SPOCD1: variants seen among roughly 807,000 people sequenced by gnomAD.
The protein encoded by SPOCD1 is SPOC domain containing 1.
In SPOCD1, 64 loss-of-function variants were observed where a neutral mutation model predicts 92.2. That is an observed-to-expected ratio of 0.69 (90% CI 0.57 to 0.86). The LOEUF (loss-of-function observed/expected upper bound fraction) is 0.86, where lower values mean the gene tolerates loss of function less well. Ranked by LOEUF, SPOCD1 falls within the 40% of genes least tolerant of loss-of-function variation. The pLI is 0.00. For synonymous variants in SPOCD1, 578 were observed against 619.3 expected (o/e 0.93, Z 0.99); for missense variants, 1,360 against 1,543.1 (o/e 0.88, Z 1.99).
At chr1:31,808,742 A>G (rs1649005915) in intron 2 of SPOCD1, among the ~76,000 whole-genome samples, 1 of 152,210 alleles carries the variant, frequency 6.6e-6, no homozygotes, top group African/African-American at 2.4e-5. Flanking sequence ...CTGGAAAGGA[A>G]ATAACAAAAA....
Position 31,814,676 on chromosome 1 carries a change from C to T in SPOCD1, c.658G>A (p.Glu220Lys), listed in dbSNP as rs561311491. The T allele has an allele frequency of 3.2e-6, 5 of 1,566,458 alleles. No individual in the cohort carries two copies. The highest frequency in any genetic ancestry group is 1.9e-5 in the Admixed American group (1 of 52,666). Residue 220 changes from glutamate to lysine, a missense_variant, in exon 2 of 16, where the codon GAA becomes AAA. This residue lies in a region of SPOCD1 where 606 missense variants were observed against 601.5 expected (regional missense o/e 1.01). Transcript: ENST00000360482. The surrounding 1 kb of genome is among the most constrained non-coding windows in gnomAD (Gnocchi z 4.2). ...AGCCACAGGAAGTCACCAGCCCCTT[C>T]CTCACACTCTGAATGAGCCCCTTGC... is the stretch of plus-strand genomic sequence containing the variant. ...RRQGAHSECE[E>K]GAGDFLWLDQ...
At chr1:31,797,838 G>A (rs1648132044) in intron 9 of SPOCD1, among the ~76,000 whole-genome samples, 1 of 152,174 alleles carries the variant, frequency 6.6e-6, no homozygotes, top group African/African-American at 2.4e-5. Flanking sequence ...GTACCAGGAA[G>A]ACCTCCAGGC....
At chr1:31,794,539 CAG>C (rs1344819516) in intron 10 of SPOCD1, 6 of 186,276 alleles carry the variant, frequency 3.2e-5, no homozygotes, top group Non-Finnish European at 6.2e-5. Context: ...TTTTTTGAGA[CAG>C]AGTCTTGCTC....
At chr1:31,796,386 C>T (rs1648021598) in intron 10 of SPOCD1, 1 of 767,388 alleles carries the variant, frequency 1.3e-6, no homozygotes, top group East Asian at 2.7e-5. Flanking sequence ...CCGACAGTGA[C>T]AAGGCGCTGG....
In SPOCD1 at chr1:31,793,813, T is replaced by G. The variant is rs538112101; in HGVS notation, c.2468A>C (p.Gln823Pro). 1 of 1,614,250 alleles carries G rather than the reference T, an allele frequency of 6.2e-7. No individual in the cohort carries two copies. The highest frequency in any genetic ancestry group is 2.2e-5 in the East Asian group (1 of 44,890). ...CATCTCTGGAGCAGGCATAGGAGTTTGGCTTAGGGCTTTCTGGAAGATATT... is the reference window on the plus strand; with the variant it reads ...CATCTCTGGAGCAGGCATAGGAGTTGGGCTTAGGGCTTTCTGGAAGATATT... ...GDNIFQKALS[Q>P]TPMPAPEMPK... Residue 823 changes from glutamine (Q) to proline (P), a missense_variant, in exon 12 of 16, where the codon CAA (glutamine) becomes CCA (proline). This residue lies in a region of SPOCD1 where 614 missense variants were observed against 757.8 expected (regional missense o/e 0.81). Transcript: ENST00000360482.
At chr1:31,800,721 A>C in intron 3 of SPOCD1, 104 bp from the exon 4 acceptor site, 1 of 1,030,504 alleles carries the variant, frequency 9.7e-7, no homozygotes, top group Admixed American at 2.7e-5. Flanking sequence ...CTCCCACTGG[A>C]GTGTAAGCTC....
At position 31,796,601 on chromosome 1, in the gene SPOCD1, C is replaced by T. The variant is rs1453628830; in HGVS notation, c.2260G>A (p.Glu754Lys). 5 of 1,614,266 alleles carry T rather than the reference C, an allele frequency of 3.1e-6. No individual in the cohort carries two copies. The highest frequency in any genetic ancestry group is 4.2e-6 in the Non-Finnish European group (5 of 1,180,054). The change falls in exon 10 of 16, where the codon GAG (glutamate) becomes AAG (lysine). Residue 754 changes from glutamate (E) to lysine (K), a missense_variant. By Grantham distance (56) the Glu-to-Lys change is moderately conservative. Around this residue, in one of 3 missense-constraint regions of SPOCD1, gnomAD observed 614 missense variants for 757.8 expected, o/e 0.81. Transcript: ENST00000360482. ...GGCTCCAACTTAACCACCAGATCCT[C>T]CAGGGTCAGTGTCTGGTCCATGTCC... ...QRDMDQTLTL[E>K]DLVGPQMFMD...
At chr1:31,800,690 C>G in intron 3 of SPOCD1, 73 bp from the exon 4 acceptor site, 2 of 1,328,590 alleles carry the variant, frequency 1.5e-6, no homozygotes, top group South Asian at 2.8e-5. Context: ...CTCGCCTCAT[C>G]TGTAATTGTT....
chr1:31,814,015 C>G lies in SPOCD1; in HGVS notation c.1319G>C (p.Arg440Thr), dbSNP rs768055175. 2.5e-6 allele frequency: 4 copies of G among 1,607,094 alleles called. No homozygotes were observed. The highest frequency in any genetic ancestry group is 3.4e-6 in the Non-Finnish European group (4 of 1,175,850). The change falls in exon 2 of 16, where the codon AGA (arginine) becomes ACA (threonine). Residue 440 changes from arginine to threonine, a missense_variant. Coordinates refer to ENST00000360482, the MANE Select transcript of SPOCD1 (RefSeq NM_144569.7). This position sits in a 1 kb window ranked among gnomAD's most constrained non-coding sequence, Gnocchi z 4.2. The part of the protein sequence containing the change: ...VPCAQDRGTD[R>T]SSDNSHQDRP... ...GTCCTGGTGGGAGTTGTCTGAGCTTCTGTCTGTGCCCCGGTCTTGGGCACA... is the reference window on the plus strand; with the variant it reads ...GTCCTGGTGGGAGTTGTCTGAGCTTGTGTCTGTGCCCCGGTCTTGGGCACA...
At chr1:31,815,467 T>A in intron 1 of SPOCD1, 95 bp from the exon 2 acceptor site, 1 of 892,952 alleles carries the variant, frequency 1.1e-6, no homozygotes, top group Non-Finnish European at 1.6e-6. Flanking sequence ...TCCAGCCAGC[T>A]CTCCCAGACC....
In SPOCD1 at chr1:31,791,064, G is replaced by T. The variant is rs1165208225; in HGVS notation, c.3190C>A (p.Pro1064Thr). 1 of 1,613,026 alleles carries T rather than the reference G, an allele frequency of 6.2e-7. No individual in the cohort carries two copies. Among genetic ancestry groups the T allele is most frequent in the South Asian group, 1.1e-5 (1 of 90,996 alleles). Residue 1064 changes from proline (P) to threonine (T), a missense_variant, in exon 16 of 16, where the codon CCC (proline) becomes ACC (threonine). Pro to Thr is a conservative substitution (Grantham distance 38, BLOSUM62 -1). Coordinates refer to ENST00000360482, the MANE Select transcript of SPOCD1 (RefSeq NM_144569.7). ...CTCTGCTGCCAGGCACCTCCTGGGG[G>T]AGGGGTGCCCTTCAGGGGCACATTC... ...RPNVPLKGTP[P>T]PGGAWQQSQG... is the part of the protein sequence containing the mutation.
At chr1:31,805,093 T>C (rs887052380) in intron 2 of SPOCD1, among the ~76,000 whole-genome samples, 5 of 150,592 alleles carry the variant, frequency 3.3e-5, no homozygotes, top group African/African-American at 9.8e-5. Context: ...GCGATTCTCC[T>C]GCCTAGGCTT....
chr1:31,796,113 C>G (rs1647995129), intron 10 of SPOCD1: 1 of 253,406 alleles, frequency 3.9e-6, no homozygotes, highest in South Asian at 4.5e-5. Context: ...GTTGGCTTCC[C>G]AGGTCTGAGG....
chr1:31,791,289 G>A lies in SPOCD1; in HGVS notation c.2965C>T (p.Leu989Phe). The change falls in exon 16 of 16, where the codon CTT (leucine) becomes TTT (phenylalanine). Residue 989 changes from leucine (L) to phenylalanine (F), a missense_variant and splice_region_variant. Transcript: ENST00000360482. ...AGAGGGGAGACAGGAAGAGCCCAAAGGCCTGCGGGGAAGAACTGTGTTCAG... is the reference window on the plus strand; with the variant it reads ...AGAGGGGAGACAGGAAGAGCCCAAAAGCCTGCGGGGAAGAACTGTGTTCAG... ...TRLRPLGGPG[L>F]WALPVSPLLS... The A allele has an allele frequency of 1.3e-6, 2 of 1,517,160 alleles. No individual in the cohort carries two copies. Among genetic ancestry groups the A allele is most frequent in the Non-Finnish European group, 1.8e-6 (2 of 1,132,446 alleles). 94.0% of individuals were successfully genotyped at this position (1,517,160 alleles called of 1,614,324 possible).
At chr1:31,810,650 C>T (rs912000559) in intron 2 of SPOCD1, among the ~76,000 whole-genome samples, 30 of 152,298 alleles carry the variant, frequency 2.0e-4, no homozygotes, top group African/African-American at 7.2e-4. Flanking sequence ...GCCTGGCCGA[C>T]ATTGACCTTT....
chr1:31,800,215 A>C, intron 4 of SPOCD1, 74 bp from the exon 5 acceptor site: 1 of 1,520,346 alleles, frequency 6.6e-7, no homozygotes, highest in South Asian at 1.3e-5. Flanking sequence ...GATGTACTGG[A>C]GGCCCAGCCC....
In SPOCD1 at chr1:31,815,189, GC is replaced by G; in HGVS notation, c.144del (p.Gly50GlufsTer37). The G allele has an allele frequency of 6.2e-7, 1 of 1,608,240 alleles. No homozygotes were observed. The highest frequency in any genetic ancestry group is 8.5e-7 in the Non-Finnish European group (1 of 1,175,596). ...CTTCTGCTGCCAGCCCTGACTCCGG[GC>G]CCAGAGCTTGCTCCCGGCCCATCTG... is the stretch of plus-strand genomic sequence containing the variant. ...LSPDGPGASS[G>X]PGVRAGSRRK... On this transcript the variant is annotated frameshift_variant, in exon 2 of 16. Coordinates refer to ENST00000360482, the MANE Select transcript of SPOCD1 (RefSeq NM_144569.7). LOFTEE classifies it high-confidence loss of function.
chr1:31,801,799 GGT>G (rs1199051672), intron 2 of SPOCD1, 94 bp from the exon 3 acceptor site: 7 of 1,075,394 alleles, frequency 6.5e-6, no homozygotes, highest in Non-Finnish European at 1.0e-5. Flanking sequence ...TTGTTGAAAG[GGT>G]GTGTGTTCAG....
At chr1:31,813,855 C>T in intron 2 of SPOCD1, 96 bp downstream of exon 2, 3 of 1,139,404 alleles carry the variant, frequency 2.6e-6, no homozygotes, top group Non-Finnish European at 3.6e-6. Flanking sequence ...TCATGAAGCG[C>T]CCATCTAGCT....
Sources: gnomAD v4.1 joint callset for allele counts (sites outside exome capture counted in the v4.1 genomes callset) on GRCh38, gnomAD v4.1.1 for gene constraint, gnomAD v4.1.1 regional missense constraint, Gnocchi (gnomAD v3.1) non-coding constraint, MANE v1.5 for transcripts, NCBI Gene and HGNC (gene_info 2026-07-23, HGNC 2026-07-21) for gene names.